The following MYPN variants were observed in gnomAD, a reference collection of about 807,000 sequenced individuals.
The protein encoded by MYPN is myopalladin.
A neutral mutation model predicts 129.4 loss-of-function variants in MYPN; 63 were observed. The observed-to-expected ratio is 0.49, with a 90% CI of 0.40 to 0.60. The LOEUF (loss-of-function observed/expected upper bound fraction) is 0.60. Among genes scored for constraint, MYPN ranks in the 20% least tolerant of loss-of-function variants. The probability of loss-of-function intolerance (pLI) is 0.00; values close to 1 mark genes in which losing one functional copy is unlikely to be tolerated. For missense variants in MYPN, 1,596 were observed against 1,635.4 expected (o/e 0.98, Z 0.42); for synonymous variants, 629 against 600.9 (o/e 1.05, Z -0.68).
At chr10:68,190,917 T>C (rs191179481) in intron 13 of MYPN, among the ~76,000 whole-genome samples, 4 of 152,320 alleles carry the variant, frequency 2.6e-5, no homozygotes, top group Admixed American at 2.0e-4. Flanking sequence ...TATTTAGTTT[T>C]CCTAGCACCA....
In MYPN at chr10:68,088,554, T is replaced by C. The variant is rs932487935; in HGVS notation, c.-2+562T>C. ...CCCAGTCAGGGTGCTGATCTATCACTCTCCATTGTTTCTATAAGTTTCTGT... is the reference window on the plus strand; with the variant it reads ...CCCAGTCAGGGTGCTGATCTATCACCCTCCATTGTTTCTATAAGTTTCTGT... On this transcript the variant is annotated intron_variant, in intron 1 of 6. Coordinates refer to the MYPN transcript ENST00000685154. Among the ~76,000 whole-genome samples the C allele has an allele frequency of 5.3e-5, 8 of 152,172 alleles. No homozygotes were observed. The South Asian group carries it at 1.7e-3, about 32-fold the overall frequency.
At chr10:68,169,078 G>T (rs1454917262) in intron 10 of MYPN, among the ~76,000 whole-genome samples, 1 of 149,418 alleles carries the variant, frequency 6.7e-6, no homozygotes, top group African/African-American at 2.5e-5. Flanking sequence ...AGGCATGGTG[G>T]CTCATGCCTG....
At chr10:68,157,442 A>G (rs1033289488) in intron 6 of MYPN, among the ~76,000 whole-genome samples, 6 of 152,152 alleles carry the variant, frequency 3.9e-5, no homozygotes, top group Non-Finnish European at 8.8e-5. Context: ...GTGGACTAAT[A>G]CATCACTCCT....
chr10:68,149,597 C>G (rs1292578136), intron 5 of MYPN, among the ~76,000 whole-genome samples: 1 of 152,096 alleles, frequency 6.6e-6, no homozygotes, highest in Non-Finnish European at 1.5e-5. Context: ...CCATACCCAG[C>G]CTGATATATT....
chr10:68,134,550 A>G (rs2042456673), intron 2 of MYPN, among the ~76,000 whole-genome samples: 1 of 152,178 alleles, frequency 6.6e-6, no homozygotes, highest in Non-Finnish European at 1.5e-5. Flanking sequence ...TAATCCCAGC[A>G]CTTTGGGAGG....
chr10:68,119,474 A>G (rs2042209161), intron 1 of MYPN, among the ~76,000 whole-genome samples: 1 of 151,576 alleles, frequency 6.6e-6, no homozygotes, highest in Non-Finnish European at 1.5e-5. Flanking sequence ...GCAATGGTGC[A>G]ATCTTGGCTC....
chr10:68,166,680 A>G lies in MYPN; in HGVS notation c.1973+14A>G, dbSNP rs756878853. ...CAAACCCAAACTGTAAGTAAAAAGTAGGATGAATAACCAGGAGCTTCTGTG... is the reference window on the plus strand; with the variant it reads ...CAAACCCAAACTGTAAGTAAAAAGTGGGATGAATAACCAGGAGCTTCTGTG... On this transcript the variant is annotated intron_variant, in intron 10 of 19. Transcript: ENST00000358913. The G allele has an allele frequency of 2.5e-6, 4 of 1,613,728 alleles. No individual in the cohort carries two copies. The African/African-American group carries it at 5.3e-5, about 22-fold the overall frequency.
chr10:68,197,430 TGGGGATATGGTAGCTCATGA>T lies in MYPN; in HGVS notation c.3242_3261del (p.Asp1081AlafsTer8). 1 of 1,614,020 alleles carries T rather than the reference TGGGGATATGGTAGCTCATGA, an allele frequency of 6.2e-7. No individual in the cohort carries two copies. Among genetic ancestry groups the T allele is most frequent in the East Asian group, 2.2e-5 (1 of 44,876 alleles). ...TCCGACCACATTTCCTGCAGGCTCC[TGGGGATATGGTAGCTCATGA>T]GGGGCGCCTCTGTCGGCTGGACTGT... is the stretch of plus-strand genomic sequence containing the variant. On this transcript the variant is annotated frameshift_variant, in exon 16 of 20. Coordinates refer to ENST00000358913, the MANE Select transcript of MYPN (RefSeq NM_032578.4). LOFTEE classifies it high-confidence loss of function.
intron 3 of MYPN, among the ~76,000 whole-genome samples, chr10:68,144,979 C>T (rs1344182009): frequency 2.0e-5 from 3 of 151,594 alleles, no homozygotes; most frequent in Non-Finnish European, 2.9e-5. Flanking sequence ...GGCCTATTTC[C>T]TTGTTTGTCA....
intron 13 of MYPN, among the ~76,000 whole-genome samples, chr10:68,193,942 G>A (rs1021918365): frequency 6.6e-6 from 1 of 152,032 alleles, no homozygotes; most frequent in Non-Finnish European, 1.5e-5. Flanking sequence ...AAGGTGACTT[G>A]TTCTAAGTGC....
At chr10:68,201,423 T>C (rs1384713035) in intron 17 of MYPN, among the ~76,000 whole-genome samples, 1 of 152,164 alleles carries the variant, frequency 6.6e-6, no homozygotes, top group African/African-American at 2.4e-5. Context: ...ATTCCAGAAC[T>C]GTGGTGACTG....
chr10:68,191,907 A>C (rs955682540), intron 13 of MYPN, among the ~76,000 whole-genome samples: 1 of 152,140 alleles, frequency 6.6e-6, no homozygotes, highest in Non-Finnish European at 1.5e-5. Context: ...TTTTTGATAG[A>C]GCCTACATTT....
chr10:68,144,569 C>T (rs757197820), intron 3 of MYPN, among the ~76,000 whole-genome samples: 1 of 152,026 alleles, frequency 6.6e-6, no homozygotes, highest in Non-Finnish European at 1.5e-5. Context: ...TATATATCTT[C>T]GTGGAATGCA....
At position 68,206,907 on chromosome 10, in the gene MYPN, A is replaced by G. The variant is rs145946587; in HGVS notation, c.3793+4A>G. The G allele has an allele frequency of 1.7e-5, 27 of 1,614,146 alleles. No homozygotes were observed. In the African/African-American group the frequency reaches 3.3e-4, roughly 20 times the overall value. ...ACTGCCAGGCTGGATATATACGGTA[A>G]GTGTAATGCTGTTAGTTGAACATCT... On this transcript the variant is annotated splice_donor_region_variant and intron_variant, in intron 19 of 19. Coordinates refer to ENST00000358913, the MANE Select transcript of MYPN (RefSeq NM_032578.4).
intron 1 of MYPN, among the ~76,000 whole-genome samples, chr10:68,098,574 G>A (rs942838091): frequency 1.3e-5 from 2 of 151,976 alleles, no homozygotes; most frequent in African/African-American, 4.8e-5. Flanking sequence ...GGCTGGGCAC[G>A]GTGACTCACA....
intron 1 of MYPN, among the ~76,000 whole-genome samples, chr10:68,098,704 G>A (rs1337074626): frequency 1.3e-5 from 2 of 151,970 alleles, no homozygotes; most frequent in Non-Finnish European, 2.9e-5. Flanking sequence ...TTAGCCCGGT[G>A]TGGTGGCAGG....
chr10:68,128,866 A>T (rs992284044), intron 2 of MYPN, among the ~76,000 whole-genome samples: 1 of 152,198 alleles, frequency 6.6e-6, no homozygotes, highest in East Asian at 1.9e-4. Context: ...TTGATGCAGC[A>T]AGTTAATTGG....
At chr10:68,158,206 G>T in intron 6 of MYPN, 1 of 390,832 alleles carries the variant, frequency 2.6e-6, no homozygotes, top group Non-Finnish European at 4.7e-6. Flanking sequence ...CCCTCCTGAA[G>T]CTGTGCGCTC....
chr10:68,137,129 A>G (rs1160781815), intron 2 of MYPN, among the ~76,000 whole-genome samples: 1 of 152,162 alleles, frequency 6.6e-6, no homozygotes, highest in African/African-American at 2.4e-5. Flanking sequence ...AACAAAAAAA[A>G]TTTATAAAAA....
Sources: gnomAD v4.1 joint callset for allele counts (sites outside exome capture counted in the v4.1 genomes callset) on GRCh38, gnomAD v4.1.1 for gene constraint, MANE v1.5 for transcripts, NCBI Gene and HGNC (gene_info 2026-07-23, HGNC 2026-07-21) for gene names.